Variants in ERLIN2 observed in about 807,000 individuals in gnomAD.
ERLIN2 encodes the protein ER lipid raft associated 2, also known as erlin-2.
ERLIN2 carries 22 observed loss-of-function variants against 41.5 expected under a neutral mutation model. That is an observed-to-expected ratio of 0.53 (90% confidence interval 0.38 to 0.76). The LOEUF (loss-of-function observed/expected upper bound fraction) is 0.76. ERLIN2 is among the 30% of genes least tolerant of loss of function. The probability of loss-of-function intolerance (pLI) is 0.00; values close to 1 mark genes in which losing one functional copy is unlikely to be tolerated. For synonymous variants in ERLIN2, 149 were observed against 150.9 expected (o/e 0.99, Z 0.09); for missense variants, 247 against 414.3 (o/e 0.60, Z 3.51).
chr8:37,749,436 A>C, intron 6 of ERLIN2, 123 bp from the exon 7 acceptor site: 1 of 759,620 alleles, frequency 1.3e-6, no homozygotes, highest in Non-Finnish European at 2.4e-6. Flanking sequence ...GGCTTTGATA[A>C]GCACACTCCC....
intron 8 of ERLIN2, chr8:37,750,069 A>G (rs1803183617): frequency 1.5e-6 from 1 of 645,494 alleles, no homozygotes; most frequent in Non-Finnish European, 2.8e-6. Context: ...CCTGTAGAGC[A>G]GCGATGTTTT....
chr8:37,744,735 G>A (rs760401461), intron 6 of ERLIN2, 39 bp downstream of exon 6: 3 of 1,613,792 alleles, frequency 1.9e-6, no homozygotes, highest in Non-Finnish European at 2.5e-6. Context: ...GCTTAAGCAG[G>A]GTTCCTGGAA....
chr8:37,752,639 C>T (rs918931249), intron 10 of ERLIN2, among the ~76,000 whole-genome samples: 4 of 152,222 alleles, frequency 2.6e-5, no homozygotes, highest in Non-Finnish European at 5.9e-5. Flanking sequence ...CACCCACAGA[C>T]TAACCTTTCT....
At chr8:37,747,409 A>AGT (rs1354693268) in intron 6 of ERLIN2, 9 of 1,590,882 alleles carry the variant, frequency 5.7e-6, no homozygotes, top group Non-Finnish European at 7.8e-6. Flanking sequence ...CAGCTCTTGC[A>AGT]GTGGCCTCTT....
chr8:37,743,581 A>C (rs1484548280), intron 4 of ERLIN2, among the ~76,000 whole-genome samples: 1 of 152,178 alleles, frequency 6.6e-6, no homozygotes, highest in Non-Finnish European at 1.5e-5. Flanking sequence ...TCAACATATG[A>C]ATCTGGGGGC....
At chr8:37,737,396 C>G (rs1177079312) in intron 1 of ERLIN2, 1 of 192,408 alleles carries the variant, frequency 5.2e-6, no homozygotes, top group East Asian at 1.3e-4. Flanking sequence ...CTCTGCTCGC[C>G]TGCTGGCTCT....
intron 2 of ERLIN2, among the ~76,000 whole-genome samples, chr8:37,739,806 CTT>C (rs1017913259): frequency 4.7e-4 from 70 of 150,218 alleles, no homozygotes; most frequent in African/African-American, 1.7e-3. Context: ...ATTCTGCTGT[CTT>C]TTTCTTTTTT....
intron 2 of ERLIN2, among the ~76,000 whole-genome samples, chr8:37,738,627 C>CACA (rs993054411): frequency 7.9e-5 from 12 of 152,114 alleles, no homozygotes; most frequent in African/African-American, 2.9e-4. Flanking sequence ...GTCACACACA[C>CACA]GTAGTCCTAG....
intron 9 of ERLIN2, among the ~76,000 whole-genome samples, 166 bp downstream of exon 9, chr8:37,750,652 A>G (rs527988515): frequency 5.1e-4 from 78 of 152,268 alleles, no homozygotes; most frequent in African/African-American, 1.7e-3. Flanking sequence ...TTGTCAGATC[A>G]TGGCCAAGGA....
At chr8:37,745,640 A>G in intron 6 of ERLIN2, 1 of 1,614,056 alleles carries the variant, frequency 6.2e-7, no homozygotes, top group Non-Finnish European at 8.5e-7. Context: ...CATAGCAGAC[A>G]GGAGGACTCA....
In ERLIN2 at chr8:37,751,611, C is replaced by CT. The variant is rs1210043107; in HGVS notation, c.650-14dup. On this transcript the variant is annotated splice_polypyrimidine_tract_variant and intron_variant, in intron 9 of 11. Coordinates refer to ENST00000519638, the MANE Select transcript of ERLIN2 (RefSeq NM_007175.8). ...TGAAATGCCAGAACCGTAATCCTCA[C>CT]TATCATTTATTCAGAGGCAGAAAAA... The CT allele has an allele frequency of 6.2e-7, 1 of 1,600,726 alleles. No individual in the cohort carries two copies. The highest frequency in any genetic ancestry group is 8.6e-7 in the Non-Finnish European group (1 of 1,167,884).
At chr8:37,737,195 A>C (rs1802677673) in intron 1 of ERLIN2, 2 of 167,460 alleles carry the variant, frequency 1.2e-5, no homozygotes, top group African/African-American at 4.8e-5. Context: ...GGTTGGACCT[A>C]GGAGCCTAGA....
At position 37,744,674 on chromosome 8, in the gene ERLIN2, A is replaced by C; in HGVS notation, c.402A>C (p.Gln134His). ...AGTTCTGCAGTGTGCACACGCTTCA[A>C]GAGGTCTACATTGAGCTGTTTGGTA... ...LNQFCSVHTL[Q>H]EVYIELFDQI... The change falls in exon 6 of 12, where the codon CAA (glutamine) becomes CAC (histidine). Residue 134 changes from glutamine to histidine, a missense_variant. Around this residue, in one of 3 missense-constraint regions of ERLIN2, gnomAD observed 153 missense variants for 256.4 expected, o/e 0.60. Coordinates refer to ENST00000519638, the MANE Select transcript of ERLIN2 (RefSeq NM_007175.8). The C allele has an allele frequency of 6.2e-7, 1 of 1,614,194 alleles. No individual in the cohort carries two copies. Among genetic ancestry groups the C allele is most frequent in the Non-Finnish European group, 8.5e-7 (1 of 1,180,030 alleles).
chr8:37,745,403 G>T, intron 6 of ERLIN2: 1 of 684,470 alleles, frequency 1.5e-6, no homozygotes, highest in South Asian at 1.8e-5. Flanking sequence ...CTTTTTCAAA[G>T]TAAAGGCAAC....
rs1803222818 is a variant in ERLIN2, at chr8:37,751,742, A to G, written c.739+27A>G. On this transcript the variant is annotated intron_variant, in intron 10 of 11. Transcript: ENST00000519638. ...TAAGCAGAAGTGGCAGTCATGCCTG[A>G]GTCCTCCTCAGACCCCGCCCTGTGG... is the stretch of plus-strand genomic sequence containing the variant. The G allele has an allele frequency of 1.9e-6, 3 of 1,554,632 alleles. No individual in the cohort carries two copies. In the South Asian group the frequency reaches 3.3e-5, roughly 17 times the overall value.
In ERLIN2 at chr8:37,748,062, C is replaced by T. The variant is rs1055745569; in HGVS notation, c.425-1497C>T. ...AAAGAAGAGGGTCGCGCCGAAATGA[C>T]GTCACGAGCGCGCCTTGCGCCTTTT... On this transcript the variant is annotated intron_variant, in intron 6 of 11. Transcript: ENST00000519638. 56 of 1,415,248 alleles carry T rather than the reference C, an allele frequency of 4.0e-5. 1 individual carries two copies. In the Admixed American group the frequency reaches 9.3e-4, roughly 24 times the overall value. 87.7% of individuals were successfully genotyped at this position (1,415,248 alleles called of 1,614,324 possible).
intron 2 of ERLIN2, among the ~76,000 whole-genome samples, chr8:37,738,356 T>TCCTCTGGCAGTCTTAGCTCTACATC (rs1423990149): frequency 5.9e-5 from 9 of 152,084 alleles, no homozygotes; most frequent in East Asian, 5.8e-4. Flanking sequence ...TCTCCTACAT[T>TCCTCTGGCAGTCTTAGCTCTACATC]CCTCTGGCAG....
chr8:37,753,451 T>C lies in ERLIN2; in HGVS notation c.741T>C (p.Asp247=), dbSNP rs577178715. ...TTCACTGCACTCCTTCCCCCTCAGA[T>C]GCTGCATTTCTGGCCCGGGAGAAGG... ...ETEKKISEIE[D]AAFLAREKAK... The change falls in exon 11 of 12, where the codon GAT becomes GAC. Residue 247 remains aspartate, a splice_region_variant and synonymous_variant. Coordinates refer to ENST00000519638, the MANE Select transcript of ERLIN2 (RefSeq NM_007175.8). 3.1e-6 allele frequency: 5 copies of C among 1,613,868 alleles called. No homozygotes were observed. In the South Asian group the frequency reaches 4.4e-5, roughly 14 times the overall value.
At chr8:37,751,361 G>C (rs951913963) in intron 9 of ERLIN2, among the ~76,000 whole-genome samples, 2 of 152,234 alleles carry the variant, frequency 1.3e-5, no homozygotes, top group Non-Finnish European at 2.9e-5. Flanking sequence ...CATTCTTACA[G>C]AATATTCCTT....
Sources: gnomAD v4.1 joint callset for allele counts (sites outside exome capture counted in the v4.1 genomes callset) on GRCh38, gnomAD v4.1.1 for gene constraint, gnomAD v4.1.1 regional missense constraint, MANE v1.5 for transcripts, NCBI Gene and HGNC (gene_info 2026-07-23, HGNC 2026-07-21) for gene names.